The following WDR70 variants were observed in gnomAD, a reference collection of about 807,000 sequenced individuals.
WDR70 encodes WD repeat-containing protein 70.
A neutral mutation model predicts 88.6 loss-of-function variants in WDR70; 53 were observed. The ratio of observed to expected loss-of-function variants is 0.60; its 90% CI spans 0.48 to 0.75. The LOEUF (loss-of-function observed/expected upper bound fraction) is 0.75, where lower values mean the gene tolerates loss of function less well. Ranked by LOEUF, WDR70 falls within the 30% of genes least tolerant of loss-of-function variation. The pLI, the probability that WDR70 is intolerant of heterozygous loss-of-function variation, is 0.00. For missense variants in WDR70, 610 were observed against 823.2 expected (o/e 0.74, Z 3.17); for synonymous variants, 280 against 270.0 (o/e 1.04, Z -0.36).
At chr5:37,633,622 A>T (rs1203498720) in intron 10 of WDR70, among the ~76,000 whole-genome samples, 1 of 152,090 alleles carries the variant, frequency 6.6e-6, no homozygotes, top group African/African-American at 2.4e-5. Context: ...TTCTAAAGAT[A>T]CTTGAATGGA....
chr5:37,559,270 A>G (rs1742413364), intron 9 of WDR70, among the ~76,000 whole-genome samples: 1 of 152,056 alleles, frequency 6.6e-6, no homozygotes, highest in Admixed American at 6.6e-5. Flanking sequence ...CCTCATCACT[A>G]AGCAAGATGT....
At chr5:37,692,952 T>C (rs1746852873) in intron 10 of WDR70, among the ~76,000 whole-genome samples, 1 of 152,168 alleles carries the variant, frequency 6.6e-6, no homozygotes, top group African/African-American at 2.4e-5. Flanking sequence ...GACATGATTG[T>C]ATATTTAGAA....
intron 7 of WDR70, among the ~76,000 whole-genome samples, chr5:37,451,602 T>C (rs1738677210): frequency 7.5e-6 from 1 of 133,980 alleles, no homozygotes; most frequent in African/African-American, 2.6e-5. Flanking sequence ...CCACAATAGA[T>C]AACAAGGTAC....
At chr5:37,622,786 A>G (rs1744549370) in intron 10 of WDR70, among the ~76,000 whole-genome samples, 1 of 152,154 alleles carries the variant, frequency 6.6e-6, no homozygotes. Flanking sequence ...GATATACCTA[A>G]TGTTAAATGA....
intron 9 of WDR70, among the ~76,000 whole-genome samples, chr5:37,559,656 C>A (rs1183939150): frequency 6.6e-6 from 1 of 151,930 alleles, no homozygotes. Context: ...ACCAGCCTGG[C>A]CAACATGGTG....
intron 9 of WDR70, among the ~76,000 whole-genome samples, chr5:37,578,578 C>G (rs576290439): frequency 3.9e-5 from 6 of 152,214 alleles, no homozygotes; most frequent in African/African-American, 1.4e-4. Context: ...AAAATCGAAG[C>G]AAATTTGTGT....
At chr5:37,652,680 GTATTT>G (rs552377306) in intron 10 of WDR70, among the ~76,000 whole-genome samples, 2 of 152,086 alleles carry the variant, frequency 1.3e-5, no homozygotes, top group Non-Finnish European at 2.9e-5. Context: ...GGATTCCTAG[GTATTT>G]TATTCTCTTT....
intron 15 of WDR70, 111 bp downstream of exon 15, chr5:37,723,045 A>G (rs1347407759): frequency 7.5e-7 from 1 of 1,339,002 alleles, no homozygotes; most frequent in Non-Finnish European, 1.1e-6. Context: ...CATATATTAC[A>G]AAATTGCCCA....
At chr5:37,626,871 A>C (rs552259477) in intron 10 of WDR70, among the ~76,000 whole-genome samples, 141 of 152,036 alleles carry the variant, frequency 9.3e-4, no homozygotes, top group Non-Finnish European at 3.5e-4. Context: ...CCAGGAATTT[A>C]TTCATTTCCT....
At chr5:37,436,167 A>C (rs971013337) in intron 5 of WDR70, among the ~76,000 whole-genome samples, 54 of 152,238 alleles carry the variant, frequency 3.5e-4, no homozygotes, top group African/African-American at 1.3e-3. Context: ...CCAGGTAAAG[A>C]GGAAAAGAAG....
At chr5:37,662,317 T>C (rs912892397) in intron 10 of WDR70, among the ~76,000 whole-genome samples, 1 of 152,128 alleles carries the variant, frequency 6.6e-6, no homozygotes, top group Non-Finnish European at 1.5e-5. Flanking sequence ...GTTTTACAGA[T>C]AAGAAAATGT....
intron 10 of WDR70, among the ~76,000 whole-genome samples, chr5:37,610,401 C>G (rs1280269084): frequency 2.0e-5 from 3 of 150,102 alleles, no homozygotes; most frequent in Non-Finnish European, 3.0e-5. Flanking sequence ...AAATGGGATC[C>G]TGTAATTTTA....
intron 7 of WDR70, among the ~76,000 whole-genome samples, chr5:37,465,882 A>T (rs1448746146): frequency 6.6e-6 from 1 of 151,760 alleles, no homozygotes; most frequent in Non-Finnish European, 1.5e-5. Flanking sequence ...TTGATTATTA[A>T]GTTGTTTCTC....
intron 8 of WDR70, among the ~76,000 whole-genome samples, chr5:37,499,208 G>A (rs1341964345): frequency 6.6e-6 from 1 of 151,734 alleles, no homozygotes; most frequent in Non-Finnish European, 1.5e-5. Context: ...CCACTCCCCA[G>A]GTTCAAGTGA....
chr5:37,591,400 A>G (rs1743527926), intron 9 of WDR70, among the ~76,000 whole-genome samples: 1 of 152,244 alleles, frequency 6.6e-6, no homozygotes, highest in Non-Finnish European at 1.5e-5. Context: ...ACATTGAAAG[A>G]TAATTGGGAA....
chr5:37,667,853 A>G (rs1328729892), intron 10 of WDR70, among the ~76,000 whole-genome samples: 1 of 63,768 alleles, frequency 1.6e-5, no homozygotes, highest in Non-Finnish European at 5.3e-5. Flanking sequence ...TGAAAAAAAA[A>G]AAAAAAAAAA....
intron 9 of WDR70, among the ~76,000 whole-genome samples, chr5:37,599,586 C>T (rs1215528850): frequency 6.6e-6 from 1 of 152,124 alleles, no homozygotes; most frequent in Non-Finnish European, 1.5e-5. Flanking sequence ...AACTGGTTAT[C>T]CATATGTAAA....
intron 6 of WDR70, among the ~76,000 whole-genome samples, chr5:37,439,066 C>T (rs563699849): frequency 1.1e-4 from 16 of 151,912 alleles, no homozygotes; most frequent in South Asian, 4.2e-4. Context: ...TACAGGTGCC[C>T]GCCACCACAC....
chr5:37,737,797 C>T (rs1581538424), intron 17 of WDR70, among the ~76,000 whole-genome samples: 3 of 152,186 alleles, frequency 2.0e-5, no homozygotes, highest in Middle Eastern at 6.8e-3. Context: ...TTCTGTTTCT[C>T]TTTTCCTGTC....
Sources: gnomAD v4.1 joint callset for allele counts (sites outside exome capture counted in the v4.1 genomes callset) on GRCh38, gnomAD v4.1.1 for gene constraint, MANE v1.5 for transcripts, NCBI Gene and HGNC (gene_info 2026-07-23, HGNC 2026-07-21) for gene names.